Variants in CNTN4 observed in about 807,000 individuals in gnomAD.
CNTN4 encodes contactin-4.
CNTN4 carries 77 observed loss-of-function variants against 122.5 expected under a neutral mutation model. The observed-to-expected ratio is 0.63, with a 90% CI of 0.52 to 0.76. The LOEUF is 0.76. Ranked by LOEUF, CNTN4 falls within the 30% of genes least tolerant of loss-of-function variation. CNTN4 has a pLI of 0.00. For missense variants in CNTN4, 1,256 were observed against 1,259.1 expected, an observed-to-expected ratio of 1.00 and a Z score of 0.04; for synonymous variants, 512 against 447.0, an observed-to-expected ratio of 1.15 and a Z score of -1.83.
chr3:2,824,398 G>A (rs1163721406), intron 7 of CNTN4, among the ~76,000 whole-genome samples: 6 of 151,886 alleles, frequency 4.0e-5, no homozygotes, highest in Non-Finnish European at 8.8e-5. Context: ...TGGAGGTTGC[G>A]GTGAGTGGAG....
intron 4 of CNTN4, among the ~76,000 whole-genome samples, chr3:2,648,471 A>G (rs2083225328): frequency 6.6e-6 from 1 of 152,104 alleles, no homozygotes; most frequent in Non-Finnish European, 1.5e-5. Context: ...TTACTATTAT[A>G]TCTGTTATAG....
At chr3:2,172,964 G>A (rs2036581243) in intron 2 of CNTN4, among the ~76,000 whole-genome samples, 1 of 152,174 alleles carries the variant, frequency 6.6e-6, no homozygotes, top group Non-Finnish European at 1.5e-5. Flanking sequence ...TATGTGACAG[G>A]TATTATTGGC....
In CNTN4 at chr3:2,685,096, T is replaced by C. The variant is rs148563291; in HGVS notation, c.56-51119T>C. On this transcript the variant is annotated intron_variant, in intron 4 of 24. Coordinates refer to ENST00000418658, the MANE Select transcript of CNTN4 (RefSeq NM_175607.3). Reference sequence around the variant, plus strand: ...TACATATACATTAAGATCAGTAATATTTATCTGTCATCTTTTCCTTGTGTC... The same window carrying C: ...TACATATACATTAAGATCAGTAATACTTATCTGTCATCTTTTCCTTGTGTC... 4.5e-3 allele frequency among the ~76,000 whole-genome samples: 688 copies of C among 152,306 alleles called. 3 individuals carry two copies. The highest frequency in any genetic ancestry group is 0.014 in the African/African-American group (564 of 41,572).
rs1451975937 is a variant in CNTN4, at chr3:2,709,777, G to C, written c.56-26438G>C. ...AAAAATACAAAAATTAGCCAGGCGTGGTGGTGCACACCTGTAGTCCCAGCT... is the reference window on the plus strand; with the variant it reads ...AAAAATACAAAAATTAGCCAGGCGTCGTGGTGCACACCTGTAGTCCCAGCT... On this transcript the variant is annotated intron_variant, in intron 4 of 24. Transcript: ENST00000418658. The surrounding 1 kb of genome is among the most constrained non-coding windows in gnomAD (Gnocchi z 5.0). Among the ~76,000 whole-genome samples the C allele has an allele frequency of 6.6e-6, 1 of 152,046 alleles. No individual in the cohort carries two copies. Among genetic ancestry groups the C allele is most frequent in the Admixed American group, 6.6e-5 (1 of 15,254 alleles).
intron 13 of CNTN4, among the ~76,000 whole-genome samples, chr3:2,944,262 T>C (rs2094649483): frequency 6.6e-6 from 1 of 152,094 alleles, no homozygotes; most frequent in Non-Finnish European, 1.5e-5. Flanking sequence ...ACAGCAACAT[T>C]TTGAGATAAC....
intron 13 of CNTN4, among the ~76,000 whole-genome samples, chr3:2,943,843 C>T (rs2094643712): frequency 1.3e-5 from 2 of 151,414 alleles, no homozygotes; most frequent in East Asian, 3.9e-4. Context: ...AGGTTGGTCT[C>T]GATCTCCTGA....
At chr3:2,861,685 G>A (rs370220140) in intron 7 of CNTN4, among the ~76,000 whole-genome samples, 5 of 152,108 alleles carry the variant, frequency 3.3e-5, no homozygotes, top group Non-Finnish European at 5.9e-5. Context: ...ACACAACGCA[G>A]CTTAAATCAA....
chr3:2,873,501 T>G (rs1048232163), intron 8 of CNTN4, among the ~76,000 whole-genome samples: 2 of 152,206 alleles, frequency 1.3e-5, no homozygotes, highest in East Asian at 1.9e-4. Flanking sequence ...CCCCACAAAC[T>G]TCTAAATTTA....
intron 2 of CNTN4, among the ~76,000 whole-genome samples, chr3:2,121,338 A>G (rs1033262241): frequency 2.0e-5 from 3 of 152,120 alleles, no homozygotes; most frequent in Non-Finnish European, 4.4e-5. Context: ...TCTCTACTAA[A>G]AATAGAAAAA....
intron 4 of CNTN4, among the ~76,000 whole-genome samples, chr3:2,664,387 C>G (rs1272523390): frequency 6.6e-6 from 1 of 151,450 alleles, no homozygotes; most frequent in East Asian, 1.9e-4. Context: ...TGGTCACATT[C>G]TTAAGGCATT....
intron 14 of CNTN4, among the ~76,000 whole-genome samples, chr3:3,021,319 T>C (rs1382607306): frequency 4.6e-5 from 7 of 152,170 alleles, no homozygotes; most frequent in Non-Finnish European, 2.9e-5. Flanking sequence ...ATGTTGAAAT[T>C]CATCCGTAGA....
chr3:2,820,504 G>A (rs1190383863), intron 7 of CNTN4, among the ~76,000 whole-genome samples: 1 of 151,954 alleles, frequency 6.6e-6, no homozygotes, highest in East Asian at 1.9e-4. Flanking sequence ...ATGATTGATC[G>A]AATCTATGGC....
Position 2,222,591 on chromosome 3 carries a change from TTTATA to T in CNTN4, c.-144-116578_-144-116574del, listed in dbSNP as rs572164570. 9.8e-4 allele frequency among the ~76,000 whole-genome samples: 149 copies of T among 152,226 alleles called. 2 individuals carry two copies. The highest frequency in any genetic ancestry group is 3.4e-3 in the Middle Eastern group (1 of 294). ...AATTGTATACTTTGAAGGAGTGAAT[TTTATA>T]TTATATTAATAATATCTCAATAAAA... is the stretch of plus-strand genomic sequence containing the variant. On this transcript the variant is annotated intron_variant, in intron 2 of 24. Transcript: ENST00000418658.
At chr3:2,562,655 C>G (rs1181794275) in intron 3 of CNTN4, among the ~76,000 whole-genome samples, 1 of 151,924 alleles carries the variant, frequency 6.6e-6, no homozygotes, top group African/African-American at 2.4e-5. Flanking sequence ...ATTCTATGAC[C>G]ATGAATAGTG....
rs186465497 is a variant in CNTN4 at position 2,583,939 on chromosome 3, A to G, written c.55+12381A>G. ...TGTCAATGAACCATATTGTTACAGT[A>G]TCAGAAGCTACTGCCTTGGTACAGC... is the stretch of plus-strand genomic sequence containing the variant. On this transcript the variant is annotated intron_variant, in intron 4 of 24. Coordinates refer to ENST00000418658, the MANE Select transcript of CNTN4 (RefSeq NM_175607.3). Among the ~76,000 whole-genome samples, 216 of 152,322 alleles carry G rather than the reference A, an allele frequency of 1.4e-3. 1 individual carries two copies. The highest frequency in any genetic ancestry group is 4.9e-3 in the African/African-American group (205 of 41,562).
intron 3 of CNTN4, among the ~76,000 whole-genome samples, chr3:2,425,188 G>A (rs532443739): frequency 4.6e-5 from 7 of 152,212 alleles, no homozygotes; most frequent in South Asian, 2.1e-4. Context: ...TTCTTCTAGG[G>A]TTCTTATGGT....
chr3:2,815,873 C>CATATATATATATATATATATATATATGT (rs58111735), intron 6 of CNTN4, among the ~76,000 whole-genome samples: 31 of 141,280 alleles, frequency 2.2e-4, no homozygotes, highest in African/African-American at 8.9e-4. Flanking sequence ...GAAACTATGG[C>CATATATATATATATATATATATATATGT]ATATATATAT....
chr3:2,907,656 G>T (rs551858429), intron 12 of CNTN4, among the ~76,000 whole-genome samples: 1 of 152,150 alleles, frequency 6.6e-6, no homozygotes, highest in Non-Finnish European at 1.5e-5. Context: ...TAAATATCAG[G>T]AACCTCCAAT....
chr3:2,508,231 A>T (rs1346172784), intron 3 of CNTN4, among the ~76,000 whole-genome samples: 6 of 152,168 alleles, frequency 3.9e-5, no homozygotes, highest in Non-Finnish European at 8.8e-5. Flanking sequence ...TGCTGCATAG[A>T]TTATCATTCC....
Sources: allele counts gnomAD v4.1 joint callset (sites outside exome capture counted in the v4.1 genomes callset), GRCh38; gene constraint gnomAD v4.1.1; non-coding constraint Gnocchi (gnomAD v3.1); transcripts MANE v1.5; gene names NCBI Gene and HGNC (gene_info 2026-07-23, HGNC 2026-07-21).